The following TRAPPC9 variants were observed in gnomAD, a reference collection of about 807,000 sequenced individuals.
TRAPPC9 encodes the protein IKK2 binding protein.
Under a neutral mutation model 124.0 loss-of-function variants are expected in TRAPPC9, and 83 were observed. The observed-to-expected ratio is 0.67, with a 90% CI of 0.56 to 0.80. The LOEUF (loss-of-function observed/expected upper bound fraction) is 0.80. TRAPPC9 is among the 30% of genes least tolerant of loss of function. TRAPPC9 has a pLI of 0.00. For synonymous variants in TRAPPC9, 638 were observed against 617.5 expected (o/e 1.03, Z -0.49); for missense variants, 1,302 against 1,508.3 (o/e 0.86, Z 2.27).
At position 140,063,617 on chromosome 8, in the gene TRAPPC9, A is replaced by G. The variant is rs6578064; in HGVS notation, c.2557-39538T>C. Among the ~76,000 whole-genome samples the G allele has an allele frequency of 0.98, 149,673 of 152,340 alleles. 73,534 individuals carry two copies. The highest frequency in any genetic ancestry group is 1 in the Middle Eastern group (294 of 294). On this transcript the variant is annotated intron_variant, in intron 17 of 22. Coordinates refer to ENST00000438773, the MANE Select transcript of TRAPPC9 (RefSeq NM_001160372.4). This position sits in a 1 kb window ranked among gnomAD's most constrained non-coding sequence, Gnocchi z 4.3. ...GATTTTGATAATCAGTAAAAACAGT[A>G]CCTGAGTACTAGTCACACTATAAGA...
chr8:140,346,000 G>T (rs1009966351), intron 9 of TRAPPC9, among the ~76,000 whole-genome samples: 4 of 152,210 alleles, frequency 2.6e-5, no homozygotes, highest in African/African-American at 9.6e-5. Flanking sequence ...CCTGGGGTTG[G>T]GGCAGATGCA....
At chr8:140,447,984 A>G (rs2132684945) in intron 2 of TRAPPC9, among the ~76,000 whole-genome samples, 1 of 152,118 alleles carries the variant, frequency 6.6e-6, no homozygotes, top group East Asian at 1.9e-4. Context: ...GTCTCTACTA[A>G]AAATACAAAA....
At chr8:140,038,512 A>T (rs1168683582) in intron 17 of TRAPPC9, among the ~76,000 whole-genome samples, 1 of 152,248 alleles carries the variant, frequency 6.6e-6, no homozygotes, top group Non-Finnish European at 1.5e-5. Flanking sequence ...CCTGCAGCGA[A>T]CAACGCATTG....
Position 140,430,840 on chromosome 8 carries a change from A to G in TRAPPC9, c.860-4199T>C, listed in dbSNP as rs181488940. ...TTTTTTGTAGAGATAGGATTTCACC[A>G]TGTTGCCCAGGCTGGTCTCAAATTC... On this transcript the variant is annotated intron_variant, in intron 4 of 22. Transcript: ENST00000438773. 1.5e-3 allele frequency among the ~76,000 whole-genome samples: 235 copies of G among 151,942 alleles called. 1 individual carries two copies. The highest frequency in any genetic ancestry group is 5.4e-3 in the African/African-American group (224 of 41,474).
chr8:139,765,489 C>T (rs1820522341), intron 21 of TRAPPC9, among the ~76,000 whole-genome samples: 1 of 152,094 alleles, frequency 6.6e-6, no homozygotes, highest in Non-Finnish European at 1.5e-5. Flanking sequence ...ACAGGGTGGC[C>T]GTGGGTGGGA....
chr8:139,880,294 A>G (rs949187956), intron 21 of TRAPPC9, among the ~76,000 whole-genome samples: 12 of 152,280 alleles, frequency 7.9e-5, no homozygotes, highest in African/African-American at 2.9e-4. Context: ...AGGGCCTCTT[A>G]AGTGGCAGAA....
chr8:139,927,993 T>C (rs927658337), intron 19 of TRAPPC9, among the ~76,000 whole-genome samples: 1 of 152,206 alleles, frequency 6.6e-6, no homozygotes, highest in Non-Finnish European at 1.5e-5. Flanking sequence ...ATAGCAACAT[T>C]TGTTATACTG....
intron 17 of TRAPPC9, among the ~76,000 whole-genome samples, chr8:140,167,357 G>A (rs945097241): frequency 2.1e-4 from 32 of 152,124 alleles, no homozygotes; most frequent in African/African-American, 7.7e-4. Flanking sequence ...TTTAAGGACT[G>A]AGATAGGAAG....
At chr8:140,073,064 C>T (rs997675098) in intron 17 of TRAPPC9, among the ~76,000 whole-genome samples, 9 of 152,140 alleles carry the variant, frequency 5.9e-5, no homozygotes, top group African/African-American at 1.4e-4. Context: ...ATGGTGAAGG[C>T]GCACAGCACC....
At chr8:140,026,271 A>G (rs528812102) in intron 17 of TRAPPC9, among the ~76,000 whole-genome samples, 3 of 152,088 alleles carry the variant, frequency 2.0e-5, no homozygotes, top group South Asian at 4.2e-4. Flanking sequence ...GGTTGCTCCT[A>G]CCCCTTGGCT....
At chr8:140,256,708 A>C (rs1252401980) in intron 15 of TRAPPC9, among the ~76,000 whole-genome samples, 1 of 152,144 alleles carries the variant, frequency 6.6e-6, no homozygotes, top group Non-Finnish European at 1.5e-5. Flanking sequence ...CCTGGGTTCA[A>C]ACCCCAGATC....
chr8:139,829,640 C>A (rs1825845679), intron 21 of TRAPPC9, among the ~76,000 whole-genome samples: 1 of 152,212 alleles, frequency 6.6e-6, no homozygotes, highest in Admixed American at 6.5e-5. Flanking sequence ...AACTCCTGCA[C>A]TCTGGGAGGG....
chr8:140,274,701 G>C (rs1429733755), intron 15 of TRAPPC9, among the ~76,000 whole-genome samples: 1 of 152,148 alleles, frequency 6.6e-6, no homozygotes, highest in Non-Finnish European at 1.5e-5. Flanking sequence ...CCTCAAGCTG[G>C]AACTAACCAG....
chr8:139,915,162 G>A (rs535888345), intron 19 of TRAPPC9, among the ~76,000 whole-genome samples: 7 of 152,332 alleles, frequency 4.6e-5, no homozygotes, highest in East Asian at 1.9e-4. Flanking sequence ...TGGCGGTGGC[G>A]GTGCCGGGCC....
rs73372841 is a variant in TRAPPC9, at chr8:140,344,591, C to T, written c.1495+15459G>A. ...GGGCGTTTGGCTCAGAACTGAGGTG[C>T]ACAGAAATGGCAGCCATGCCAAGAC... On this transcript the variant is annotated intron_variant, in intron 9 of 22. Coordinates refer to ENST00000438773, the MANE Select transcript of TRAPPC9 (RefSeq NM_001160372.4). Among the ~76,000 whole-genome samples, 630 of 152,302 alleles carry T rather than the reference C, an allele frequency of 4.1e-3. 5 individuals are homozygous for T. Among genetic ancestry groups the T allele is most frequent in the African/African-American group, 0.015 (607 of 41,562 alleles).
At chr8:140,204,358 CA>C (rs2062869575) in intron 17 of TRAPPC9, among the ~76,000 whole-genome samples, 1 of 151,548 alleles carries the variant, frequency 6.6e-6, no homozygotes, top group South Asian at 2.1e-4. Context: ...TCATTCTGAA[CA>C]AACTATCGCA....
At chr8:140,068,476 A>C (rs1001853084) in intron 17 of TRAPPC9, among the ~76,000 whole-genome samples, 5 of 152,180 alleles carry the variant, frequency 3.3e-5, no homozygotes, top group African/African-American at 1.2e-4. Flanking sequence ...TTACATTTGG[A>C]GGGGACCTTC....
At chr8:140,018,070 C>A (rs1563692703) in intron 18 of TRAPPC9, among the ~76,000 whole-genome samples, 1 of 152,088 alleles carries the variant, frequency 6.6e-6, no homozygotes. Context: ...GTCTTGAACT[C>A]CTGACCTTGT....
At chr8:140,175,919 G>A (rs1003692498) in intron 17 of TRAPPC9, among the ~76,000 whole-genome samples, 2 of 152,160 alleles carry the variant, frequency 1.3e-5, no homozygotes, top group African/African-American at 4.8e-5. Context: ...ACACTTATTC[G>A]GCAGTGAATG....
Sources: gnomAD v4.1 joint callset for allele counts (sites outside exome capture counted in the v4.1 genomes callset) on GRCh38, gnomAD v4.1.1 for gene constraint, Gnocchi (gnomAD v3.1) non-coding constraint, MANE v1.5 for transcripts, NCBI Gene and HGNC (gene_info 2026-07-23, HGNC 2026-07-21) for gene names.